The following CELSR3 variants were observed in gnomAD, a reference collection of about 807,000 sequenced individuals.
The protein encoded by CELSR3 is cadherin EGF LAG seven-pass G-type receptor 3.
CELSR3 carries 73 observed loss-of-function variants against 270.0 expected under a neutral mutation model. The ratio of observed to expected loss-of-function variants is 0.27; its 90% CI spans 0.22 to 0.33. The LOEUF is 0.33. Among genes scored for constraint, CELSR3 ranks in the 10% least tolerant of loss-of-function variants. The pLI is 1.00. For missense variants in CELSR3, 3,614 were observed against 4,533.8 expected, an observed-to-expected ratio of 0.80 and a Z score of 5.83; for synonymous variants, 1,780 against 1,905.4, an observed-to-expected ratio of 0.93 and a Z score of 1.71.
rs764024098 is a variant in CELSR3 at position 48,640,277 on chromosome 3, T to A, written c.9308A>T (p.Glu3103Val). The A allele has an allele frequency of 3.1e-6, 5 of 1,612,842 alleles. No homozygotes were observed. Among genetic ancestry groups the A allele is most frequent in the Non-Finnish European group, 4.2e-6 (5 of 1,179,988 alleles). The change falls in exon 34 of 35, where the codon GAA (glutamate) becomes GTA (valine). Residue 3103 changes from glutamate (E) to valine (V), a missense_variant. Glu to Val is a moderately radical substitution (Grantham distance 121). Around this residue, in one of 7 missense-constraint regions of CELSR3, gnomAD observed 1,240 missense variants for 1,351.7 expected, o/e 0.92. Transcript: ENST00000164024. This position sits in a 1 kb window ranked among gnomAD's most constrained non-coding sequence, Gnocchi z 7.5. The stretch of plus-strand genomic sequence containing the variant: ...TCGGCCTGGTGCAGCATCCATGCAT[T>A]CCTGGGACCCTGGCCGGCTCAGGGG... ...LRPLSRPGSQ[E>V]CMDAAPGRLE...
rs75155696 is a variant in CELSR3, at chr3:48,642,650, C to T, written c.8555+86G>A. On this transcript the variant is annotated intron_variant, in intron 30 of 34. Transcript: ENST00000164024. The surrounding 1 kb of genome is among the most constrained non-coding windows in gnomAD (Gnocchi z 6.1). The stretch of plus-strand genomic sequence containing the variant: ...GATGGCCAAGATGGGTGGAGCCACC[C>T]GCCCTAGGACCTGGTCAGCCAAGCC... 2,174 of 1,529,528 alleles carry T rather than the reference C, an allele frequency of 1.4e-3. 29 individuals carry two copies. In the African/African-American group the frequency reaches 0.026, roughly 18 times the overall value. The allele number at this position is 1,529,528 out of a possible 1,614,324, so 94.7% of individuals were successfully genotyped here. A position where few individuals can be genotyped will look rare whatever the true frequency, so the allele number is the denominator to read the frequency against.
rs2046970741 is a variant in CELSR3 at position 48,636,693 on chromosome 3, C to T, written c.*1512G>A. The T allele has an allele frequency of 6.6e-6, 1 of 152,196 alleles. No homozygotes were observed. The highest frequency in any genetic ancestry group is 2.4e-5 in the African/African-American group (1 of 41,442). 9.4% of individuals were successfully genotyped at this position (152,196 alleles called of 1,614,324 possible). On this transcript the variant is annotated 3_prime_UTR_variant, in exon 35 of 35. Transcript: ENST00000164024. The stretch of plus-strand genomic sequence containing the variant: ...GGGTCCTGGCTGGTGGGATTTAGCT[C>T]CAGTCAGGGAAGTAGAATTTCTAAT...
intron 34 of CELSR3, 123 bp from the exon 35 acceptor site, chr3:48,638,355 A>G (rs2046991867): frequency 2.8e-6 from 2 of 723,114 alleles, no homozygotes; most frequent in Non-Finnish European, 5.1e-6. Flanking sequence ...CTCGCCTCTT[A>G]GCCCCCAGCC....
Position 48,651,270 on chromosome 3 carries a change from GC to G in CELSR3, c.6186+88del. 6.3e-7 allele frequency: 1 copy of G among 1,575,152 alleles called. No homozygotes were observed. Among genetic ancestry groups the G allele is most frequent in the Admixed American group, 1.7e-5 (1 of 58,820 alleles). ...CACAGGACACAGGCAAGAGGTTAGG[GC>G]CCAAGTCAGGTGGCGGAGGTCAGCA... On this transcript the variant is annotated intron_variant, in intron 14 of 34. Coordinates refer to ENST00000164024, the MANE Select transcript of CELSR3 (RefSeq NM_001407.3). This position sits in a 1 kb window ranked among gnomAD's most constrained non-coding sequence, Gnocchi z 7.4.
At chr3:48,643,436 T>G in intron 28 of CELSR3, 118 bp downstream of exon 28, 1 of 1,386,668 alleles carries the variant, frequency 7.2e-7, no homozygotes, top group Non-Finnish European at 9.6e-7. Context: ...GTACCCAGCC[T>G]GGCAAAGTTA....
At position 48,646,885 on chromosome 3, in the gene CELSR3, A is replaced by G. The variant is rs2106705337; in HGVS notation, c.7173T>C (p.Ser2391=). The G allele has an allele frequency of 2.5e-6, 4 of 1,575,392 alleles. No individual in the cohort carries two copies. In the East Asian group the frequency reaches 7.0e-5, roughly 28 times the overall value. ...SSSIENSTTS[S]VVPPPAPPEP... ...CTGGCGGGGCTGGTGGGGGGACCAC[A>G]CTTGAGGTGGTGGAGTTTTCTATGC... Residue 2391 remains serine (S), a synonymous_variant, in exon 21 of 35, where the codon AGT becomes AGC. Coordinates refer to ENST00000164024, the MANE Select transcript of CELSR3 (RefSeq NM_001407.3). This position sits in a 1 kb window ranked among gnomAD's most constrained non-coding sequence, Gnocchi z 4.8.
At position 48,655,180 on chromosome 3, in the gene CELSR3, C is replaced by G; in HGVS notation, c.4852G>C (p.Gly1618Arg). Residue 1618 changes from glycine (G) to arginine (R), a missense_variant, in exon 6 of 35, where the codon GGT (glycine) becomes CGT (arginine). Physicochemically the swap from Gly to Arg is moderately radical, Grantham distance 125. Around this residue, in one of 7 missense-constraint regions of CELSR3, gnomAD observed 1,331 missense variants for 1,933.7 expected, o/e 0.69. Transcript: ENST00000164024. This position sits in a 1 kb window ranked among gnomAD's most constrained non-coding sequence, Gnocchi z 5.8. The part of the protein sequence containing the change: ...YNKPRTDALG[G>R]AQGPSKDKVA... Reference sequence around the variant, plus strand: ...TTGTCCTTGGAGGGGCCCTGTGCACCCCCTAGGGCATCTGTCCGGGGCTGA... The same window carrying G: ...TTGTCCTTGGAGGGGCCCTGTGCACGCCCTAGGGCATCTGTCCGGGGCTGA... The G allele has an allele frequency of 1.2e-6, 2 of 1,613,884 alleles. No individual in the cohort carries two copies. The highest frequency in any genetic ancestry group is 1.7e-6 in the Non-Finnish European group (2 of 1,179,904).
chr3:48,662,321 G>C lies in CELSR3; in HGVS notation c.314C>G (p.Pro105Arg), dbSNP rs2077074192. 6.2e-7 allele frequency: 1 copy of C among 1,612,830 alleles called. No homozygotes were observed. The highest frequency in any genetic ancestry group is 8.5e-7 in the Non-Finnish European group (1 of 1,179,992). Residue 105 changes from proline to arginine, a missense_variant, in exon 1 of 35, where the codon CCG becomes CGG. Coordinates refer to ENST00000164024, the MANE Select transcript of CELSR3 (RefSeq NM_001407.3). The surrounding 1 kb of genome is among the most constrained non-coding windows in gnomAD (Gnocchi z 7.1). ...ARNSRGPPEQ[P>R]NEELGIEHGV... ...GTGTTCAATCCCCAGCTCCTCATTC[G>C]GCTGCTCAGGGGGCCCTCGACTATT...
chr3:48,655,858 G>A lies in CELSR3; in HGVS notation c.4626-7C>T. ...CTGCTGCACTGTCGCGAACCTGGGC[G>A]GGGTGGGAGGGGGTTGCGGGGGTGG... On this transcript the variant is annotated splice_region_variant and splice_polypyrimidine_tract_variant and intron_variant, in intron 3 of 34. Coordinates refer to ENST00000164024, the MANE Select transcript of CELSR3 (RefSeq NM_001407.3). This position sits in a 1 kb window ranked among gnomAD's most constrained non-coding sequence, Gnocchi z 5.8. 1 of 1,424,410 alleles carries A rather than the reference G, an allele frequency of 7.0e-7. No homozygotes were observed. 88.2% of individuals were successfully genotyped at this position (1,424,410 alleles called of 1,614,324 possible).
chr3:48,636,580 A>C lies in CELSR3; in HGVS notation c.*1625T>G, dbSNP rs1177819761. The C allele has an allele frequency of 4.6e-5, 7 of 152,122 alleles. No individual in the cohort carries two copies. The highest frequency in any genetic ancestry group is 1.0e-4 in the Non-Finnish European group (7 of 68,008). The allele number at this position is 152,122 out of a possible 1,614,324, so 9.4% of individuals were successfully genotyped here. On this transcript the variant is annotated 3_prime_UTR_variant, in exon 35 of 35. Transcript: ENST00000164024. ...GAACCCCAGAGAGGGGCATCTACGA[A>C]ACCTAGGACATAGTAAAGACACCCT...
Position 48,644,683 on chromosome 3 carries a change from G to C in CELSR3, c.8085+33C>G, listed in dbSNP as rs201253237. The stretch of plus-strand genomic sequence containing the variant: ...CCTCCTCCCCCAATGAGGGAGGGAA[G>C]TACAGAGGGGGCACCAAGTCCAGGG... On this transcript the variant is annotated intron_variant, in intron 26 of 34. Transcript: ENST00000164024. The surrounding 1 kb of genome is among the most constrained non-coding windows in gnomAD (Gnocchi z 4.8). 1 of 1,548,972 alleles carries C rather than the reference G, an allele frequency of 6.5e-7. No homozygotes were observed. The highest frequency in any genetic ancestry group is 2.3e-5 in the East Asian group (1 of 44,438).
At position 48,655,820 on chromosome 3, in the gene CELSR3, A is replaced by C; in HGVS notation, c.4657T>G (p.Phe1553Val). 2 of 1,431,966 alleles carry C rather than the reference A, an allele frequency of 1.4e-6. No homozygotes were observed. Among genetic ancestry groups the C allele is most frequent in the Non-Finnish European group, 9.4e-7 (1 of 1,069,002 alleles). The allele number at this position is 1,431,966 out of a possible 1,614,324, so 88.7% of individuals were successfully genotyped here. A position where few individuals can be genotyped will look rare whatever the true frequency, so the allele number is the denominator to read the frequency against. Residue 1553 changes from phenylalanine to valine, a missense_variant, in exon 4 of 35, where the codon TTC (phenylalanine) becomes GTC (valine). Phe to Val is a conservative substitution (Grantham distance 50). Transcript: ENST00000164024. This position sits in a 1 kb window ranked among gnomAD's most constrained non-coding sequence, Gnocchi z 5.8. The part of the protein sequence containing the change: ...FATVQQSGLL[F>V]YNGRLNEKHD... ...TTCTCGTTCAGGCGCCCGTTGTAGA[A>C]GAGCAGCCCGCTCTGCTGCACTGTC...
Position 48,642,436 on chromosome 3 carries a change from C to A in CELSR3, c.8587G>T (p.Ala2863Ser). The part of the protein sequence containing the change: ...DNVLVRHGSA[A>S]DHTDHSLQAH... ...TGGAGGCTGTGGTCAGTGTGGTCAG[C>A]GGCTGAGCCATGTCGAACCAGGACA... is the stretch of plus-strand genomic sequence containing the variant. The change falls in exon 31 of 35, where the codon GCT becomes TCT. Residue 2863 changes from alanine to serine, a missense_variant. Physicochemically the swap from Ala to Ser is moderately conservative, Grantham distance 99. Around this residue, in one of 7 missense-constraint regions of CELSR3, gnomAD observed 1,240 missense variants for 1,351.7 expected, o/e 0.92. Transcript: ENST00000164024. This position sits in a 1 kb window ranked among gnomAD's most constrained non-coding sequence, Gnocchi z 6.1. The A allele has an allele frequency of 6.2e-7, 1 of 1,613,102 alleles. No homozygotes were observed. Among genetic ancestry groups the A allele is most frequent in the Non-Finnish European group, 8.5e-7 (1 of 1,179,880 alleles).
At position 48,660,317 on chromosome 3, in the gene CELSR3, G is replaced by T. The variant is rs758778948; in HGVS notation, c.2318C>A (p.Thr773Asn). The T allele has an allele frequency of 2.5e-5, 41 of 1,614,150 alleles. No homozygotes were observed. Among genetic ancestry groups the T allele is most frequent in the Non-Finnish European group, 3.1e-5 (37 of 1,180,026 alleles). The change falls in exon 1 of 35, where the codon ACC becomes AAC. Residue 773 changes from threonine to asparagine, a missense_variant. Thr to Asn is a moderately conservative substitution (Grantham distance 65). Transcript: ENST00000164024. This position sits in a 1 kb window ranked among gnomAD's most constrained non-coding sequence, Gnocchi z 5.5. The stretch of plus-strand genomic sequence containing the variant: ...TACTGCGGTCACGCTGACCACACTG[G>T]TGCCCACAGCTGCATCCTCATTCAG... ...LRLNEDAAVG[T>N]SVVSVTAVDR...
At position 48,645,726 on chromosome 3, in the gene CELSR3, C is replaced by CT. The variant is rs2047076137; in HGVS notation, c.7590+15dup. On this transcript the variant is annotated intron_variant, in intron 23 of 34. Coordinates refer to ENST00000164024, the MANE Select transcript of CELSR3 (RefSeq NM_001407.3). This position sits in a 1 kb window ranked among gnomAD's most constrained non-coding sequence, Gnocchi z 5.4. The stretch of plus-strand genomic sequence containing the variant: ...TTTGACCCCCCACTTCCTTGGGACA[C>CT]TGAACACAGCCCCACCTCACGGGGA... The CT allele has an allele frequency of 8.1e-6, 13 of 1,604,780 alleles. No homozygotes were observed. Among genetic ancestry groups the CT allele is most frequent in the Non-Finnish European group, 1.0e-5 (12 of 1,173,526 alleles).
At position 48,662,084 on chromosome 3, in the gene CELSR3, G is replaced by A. The variant is rs1479963883; in HGVS notation, c.551C>T (p.Pro184Leu). ...CCCAGCGTTCCGCTGGGAGGACACC[G>A]GCTTGGGACCGTGGTGCCGAATCAA... is the stretch of plus-strand genomic sequence containing the variant. ...DFLIRHHGPK[P>L]VSSQRNAGTG... Residue 184 changes from proline (P) to leucine (L), a missense_variant, in exon 1 of 35, where the codon CCG (proline) becomes CTG (leucine). Around this residue, in one of 7 missense-constraint regions of CELSR3, gnomAD observed 470 missense variants for 469.7 expected, o/e 1.00. Transcript: ENST00000164024. The surrounding 1 kb of genome is among the most constrained non-coding windows in gnomAD (Gnocchi z 7.1). 1.2e-6 allele frequency: 2 copies of A among 1,614,026 alleles called. No individual in the cohort carries two copies. The highest frequency in any genetic ancestry group is 2.2e-5 in the South Asian group (2 of 91,084).
At position 48,645,153 on chromosome 3, in the gene CELSR3, C is replaced by A. The variant is rs769423919; in HGVS notation, c.7854G>T (p.Ala2618=). 6.3e-7 allele frequency: 1 copy of A among 1,597,320 alleles called. No homozygotes were observed. The highest frequency in any genetic ancestry group is 1.7e-5 in the Admixed American group (1 of 59,502). ...GGTGCAGCCCCTGCACGAAGAGCCA[C>A]GCGAAGGTGCTGAGGAAGAAGTAGT... is the stretch of plus-strand genomic sequence containing the variant. ...LLHYFFLSTF[A]WLFVQGLHLY... is the part of the protein sequence containing the mutation. Residue 2618 remains alanine (A), a synonymous_variant, in exon 25 of 35, where the codon GCG becomes GCT. Transcript: ENST00000164024. The surrounding 1 kb of genome is among the most constrained non-coding windows in gnomAD (Gnocchi z 5.4).
chr3:48,645,998 G>T lies in CELSR3; in HGVS notation c.7463+92C>A, dbSNP rs1275905007. 3.2e-6 allele frequency: 5 copies of T among 1,581,376 alleles called. No individual in the cohort carries two copies. The highest frequency in any genetic ancestry group is 4.3e-6 in the Non-Finnish European group (5 of 1,159,440). ...TCCTCATGGTCCGGGTTGCACAACA[G>T]CACTAGTGGGGGCCCCAGGGGAAGG... On this transcript the variant is annotated intron_variant, in intron 22 of 34. Transcript: ENST00000164024. This position sits in a 1 kb window ranked among gnomAD's most constrained non-coding sequence, Gnocchi z 5.4.
Position 48,656,809 on chromosome 3 carries a change from C to A in CELSR3, c.4288G>T (p.Asp1430Tyr), listed in dbSNP as rs776774321. The change falls in exon 2 of 35, where the codon GAC becomes TAC. Residue 1430 changes from aspartate (D) to tyrosine (Y), a missense_variant. Around this residue, in one of 7 missense-constraint regions of CELSR3, gnomAD observed 1,331 missense variants for 1,933.7 expected, o/e 0.69. Coordinates refer to ENST00000164024, the MANE Select transcript of CELSR3 (RefSeq NM_001407.3). Reference protein sequence around the residue: ...RCRCPPGFTGDFCETELDLCY... With the variant: ...RCRCPPGFTGYFCETELDLCY... ...AGGTCGAGCTCGGTCTCGCAAAAGT[C>A]TCCCGTGAATCCGGGCGGGCAGCGG... 5 of 1,606,344 alleles carry A rather than the reference C, an allele frequency of 3.1e-6. No individual in the cohort carries two copies. The highest frequency in any genetic ancestry group is 2.2e-5 in the South Asian group (2 of 89,866).
Sources: gnomAD v4.1 joint callset for allele counts on GRCh38, gnomAD v4.1.1 for gene constraint, gnomAD v4.1.1 regional missense constraint, Gnocchi (gnomAD v3.1) non-coding constraint, MANE v1.5 for transcripts, NCBI Gene and HGNC (gene_info 2026-07-23, HGNC 2026-07-21) for gene names.